The following LHFPL2 variants were observed in gnomAD, a reference collection of about 807,000 sequenced individuals.
The protein encoded by LHFPL2 is LHFPL tetraspan subfamily member 2, also known as LHFPL tetraspan subfamily member 2 protein.
LHFPL2 carries 7 observed loss-of-function variants against 17.5 expected under a neutral mutation model. The observed-to-expected ratio is 0.40, with a 90% CI of 0.23 to 0.75. The LOEUF (loss-of-function observed/expected upper bound fraction) is 0.75, where lower values mean the gene tolerates loss of function less well. Among genes scored for constraint, LHFPL2 ranks in the 30% least tolerant of loss-of-function variants. The probability of loss-of-function intolerance (pLI) is 0.37; values close to 1 mark genes in which losing one functional copy is unlikely to be tolerated. For missense variants in LHFPL2, 241 were observed against 294.8 expected (o/e 0.82, Z 1.34); for synonymous variants, 134 against 116.2 (o/e 1.15, Z -0.99).
At chr5:78,518,262 A>G (rs978024272) in intron 3 of LHFPL2, among the ~76,000 whole-genome samples, 2 of 152,244 alleles carry the variant, frequency 1.3e-5, no homozygotes, top group Non-Finnish European at 2.9e-5. Flanking sequence ...GGATAATAAG[A>G]GAGTTTTAAC....
chr5:78,540,061 T>A (rs1756064822), intron 3 of LHFPL2, among the ~76,000 whole-genome samples: 1 of 152,054 alleles, frequency 6.6e-6, no homozygotes, highest in Non-Finnish European at 1.5e-5. Flanking sequence ...CCAATGGAAG[T>A]TTTTAGAAGT....
intron 2 of LHFPL2, among the ~76,000 whole-genome samples, chr5:78,629,419 G>A (rs1159063151): frequency 1.3e-5 from 2 of 152,176 alleles, no homozygotes; most frequent in Non-Finnish European, 2.9e-5. Flanking sequence ...CAAGTAAATG[G>A]TGGTTCCTAA....
chr5:78,531,779 G>C (rs886298233), intron 3 of LHFPL2, among the ~76,000 whole-genome samples: 5 of 152,162 alleles, frequency 3.3e-5, no homozygotes, highest in Non-Finnish European at 7.3e-5. Context: ...CTTCTTTCTT[G>C]AGACAGGGTC....
chr5:78,559,341 TATA>T (rs1756663330), intron 3 of LHFPL2, among the ~76,000 whole-genome samples: 1 of 152,200 alleles, frequency 6.6e-6, no homozygotes, highest in African/African-American at 2.4e-5. Flanking sequence ...CTGGATAGTC[TATA>T]ATGTCAGACA....
At chr5:78,590,655 T>C (rs1009759296) in intron 2 of LHFPL2, among the ~76,000 whole-genome samples, 1 of 152,184 alleles carries the variant, frequency 6.6e-6, no homozygotes, top group African/African-American at 2.4e-5. Flanking sequence ...TTAATAAAAG[T>C]CAATGTACTC....
intron 1 of LHFPL2, among the ~76,000 whole-genome samples, chr5:78,646,474 G>A (rs894708813): frequency 6.6e-5 from 10 of 152,106 alleles, no homozygotes; most frequent in Non-Finnish European, 1.3e-4. Flanking sequence ...GGAATTATCC[G>A]AGCTGAATTA....
At chr5:78,490,414 C>G (rs1034538426) in intron 4 of LHFPL2, among the ~76,000 whole-genome samples, 1 of 152,038 alleles carries the variant, frequency 6.6e-6, no homozygotes, top group Non-Finnish European at 1.5e-5. Context: ...CAACCTAGGC[C>G]CCCCCAGATT....
At chr5:78,628,148 C>T (rs1207596972) in intron 2 of LHFPL2, among the ~76,000 whole-genome samples, 1 of 152,146 alleles carries the variant, frequency 6.6e-6, no homozygotes, top group Non-Finnish European at 1.5e-5. Context: ...CGTGGACAGG[C>T]CCTGTGTGGC....
chr5:78,488,944 C>T lies in LHFPL2; in HGVS notation c.640G>A (p.Val214Ile), dbSNP rs1754344088. Residue 214 changes from valine to isoleucine, a missense_variant, in exon 5 of 5, where the codon GTA (valine) becomes ATA (isoleucine). Transcript: ENST00000380345. ...TTCCCCTCTTCAATTTCTTCCTGTA[C>T]TTTGTCACTAGAGGTTGCAATTTCT... ...QAEIATSSDK[V>I]QEEIEEGKNL... 2.5e-6 allele frequency: 4 copies of T among 1,614,036 alleles called. No homozygotes were observed. In the African/African-American group the frequency reaches 4.0e-5, roughly 16 times the overall value.
chr5:78,538,877 G>A (rs1241027193), intron 3 of LHFPL2, among the ~76,000 whole-genome samples: 1 of 152,168 alleles, frequency 6.6e-6, no homozygotes, highest in African/African-American at 2.4e-5. Context: ...ACTGTCCAGT[G>A]ACCTAGCACC....
chr5:78,523,347 C>CT, intron 3 of LHFPL2, among the ~76,000 whole-genome samples: 1 of 152,224 alleles, frequency 6.6e-6, no homozygotes, highest in East Asian at 1.9e-4. Flanking sequence ...TAGAATGACC[C>CT]TTAACTACTT....
At chr5:78,513,260 C>T (rs148477391) in intron 3 of LHFPL2, among the ~76,000 whole-genome samples, 105 of 152,284 alleles carry the variant, frequency 6.9e-4, no homozygotes, top group African/African-American at 2.4e-3. Context: ...GAAGATGGGA[C>T]ATCTGGGCTT....
At position 78,517,020 on chromosome 5, in the gene LHFPL2, C is replaced by T. The variant is rs535678215; in HGVS notation, c.-185-6622G>A. On this transcript the variant is annotated intron_variant, in intron 3 of 4. Coordinates refer to ENST00000380345, the MANE Select transcript of LHFPL2 (RefSeq NM_005779.3). Reference sequence around the variant, plus strand: ...CACAGGCTTCTGCTTCTCTCAAACTCCTCTCCTCCAGAGTTGGGCTGGTCA... The same window carrying T: ...CACAGGCTTCTGCTTCTCTCAAACTTCTCTCCTCCAGAGTTGGGCTGGTCA... 2.5e-4 allele frequency among the ~76,000 whole-genome samples: 38 copies of T among 152,342 alleles called. 1 individual carries two copies. Among genetic ancestry groups the T allele is most frequent in the South Asian group, 1.0e-3 (5 of 4,826 alleles).
At chr5:78,644,204 G>T in intron 1 of LHFPL2, 1 of 600,260 alleles carries the variant, frequency 1.7e-6, no homozygotes, top group Non-Finnish European at 3.0e-6. Flanking sequence ...TAAAAGAAGT[G>T]AAATGCATAC....
chr5:78,527,373 T>TTG (rs934648530), intron 3 of LHFPL2, among the ~76,000 whole-genome samples: 4 of 150,054 alleles, frequency 2.7e-5, no homozygotes, highest in African/African-American at 4.9e-5. Context: ...GTTTTTTTTT[T>TTG]TTTTTTTTTT....
At chr5:78,547,493 T>C (rs1018001842) in intron 3 of LHFPL2, among the ~76,000 whole-genome samples, 5 of 152,246 alleles carry the variant, frequency 3.3e-5, no homozygotes, top group Non-Finnish European at 7.3e-5. Context: ...TACACTTCTT[T>C]ATACTCACTG....
At chr5:78,599,824 T>A (rs1743949240) in intron 2 of LHFPL2, among the ~76,000 whole-genome samples, 1 of 152,152 alleles carries the variant, frequency 6.6e-6, no homozygotes, top group Non-Finnish European at 1.5e-5. Flanking sequence ...ATGCTTCCCA[T>A]CCCTTAAAAT....
At chr5:78,489,640 C>T (rs1754371203) in intron 4 of LHFPL2, among the ~76,000 whole-genome samples, 1 of 152,170 alleles carries the variant, frequency 6.6e-6, no homozygotes, top group Non-Finnish European at 1.5e-5. Flanking sequence ...TCAAGTGATC[C>T]TCCCACCTCG....
In LHFPL2 at chr5:78,510,079, C is replaced by A. The variant is rs770352043; in HGVS notation, c.135G>T (p.Glu45Asp). The change falls in exon 4 of 5, where the codon GAG (glutamate) becomes GAT (aspartate). Residue 45 changes from glutamate (E) to aspartate (D), a missense_variant. Coordinates refer to ENST00000380345, the MANE Select transcript of LHFPL2 (RefSeq NM_005779.3). The stretch of plus-strand genomic sequence containing the variant: ...GGGAGCCCCCGCCCGGGCCCGCCGG[C>A]TCCACGCCGCCGCGGCTCCTCGCTT... ...IGKARSRGGV[E>D]PAGPGGGSPE... 1 of 1,612,502 alleles carries A rather than the reference C, an allele frequency of 6.2e-7. No individual in the cohort carries two copies. Among genetic ancestry groups the A allele is most frequent in the Non-Finnish European group, 8.5e-7 (1 of 1,179,330 alleles).
Sources: allele counts gnomAD v4.1 joint callset (sites outside exome capture counted in the v4.1 genomes callset), GRCh38; gene constraint gnomAD v4.1.1; transcripts MANE v1.5; gene names NCBI Gene and HGNC (gene_info 2026-07-23, HGNC 2026-07-21).